The following SEC22C variants were observed in gnomAD, a reference collection of about 807,000 sequenced individuals.
SEC22C encodes SEC22 homolog C, vesicle trafficking protein.
SEC22C carries 29 observed loss-of-function variants against 34.7 expected under a neutral mutation model. The observed-to-expected ratio is 0.84, with a 90% CI of 0.62 to 1.14. The LOEUF is 1.14. SEC22C is among the 50% of genes most tolerant of loss of function. The pLI, the probability that SEC22C is intolerant of heterozygous loss-of-function variation, is 0.00. For synonymous variants in SEC22C, 117 were observed against 132.8 expected (o/e 0.88, Z 0.82); for missense variants, 337 against 369.0 (o/e 0.91, Z 0.71).
In SEC22C at chr3:42,548,092, T is replaced by G. The variant is rs1396846101; in HGVS notation, c.*5156A>C. 1.3e-5 allele frequency: 2 copies of G among 153,756 alleles called. No homozygotes were observed. The highest frequency in any genetic ancestry group is 2.9e-5 in the Non-Finnish European group (2 of 69,098). 9.5% of individuals were successfully genotyped at this position (153,756 alleles called of 1,614,324 possible). A position where few individuals can be genotyped will look rare whatever the true frequency, so the allele number is the denominator to read the frequency against. ...CAAGTTTAGGTTGTACTACTGAGTT[T>G]GTTAAAATGTACCCATTATTTACTC... On this transcript the variant is annotated 3_prime_UTR_variant, in exon 7 of 7. Coordinates refer to ENST00000264454, the MANE Select transcript of SEC22C (RefSeq NM_032970.4).
chr3:42,552,422 C>G lies in SEC22C; in HGVS notation c.*826G>C. 1 of 985,430 alleles carries G rather than the reference C, an allele frequency of 1.0e-6. No homozygotes were observed. Among genetic ancestry groups the G allele is most frequent in the Non-Finnish European group, 1.2e-6 (1 of 829,916 alleles). The allele number at this position is 985,430 out of a possible 1,614,324, so 61.0% of individuals were successfully genotyped here. A position where few individuals can be genotyped will look rare whatever the true frequency, so the allele number is the denominator to read the frequency against. ...CTGAATCCATGTTCATTCACCTACTCCAGGTTGTGGTCAATTGTAAGTAAT... is the reference window on the plus strand; with the variant it reads ...CTGAATCCATGTTCATTCACCTACTGCAGGTTGTGGTCAATTGTAAGTAAT... On this transcript the variant is annotated 3_prime_UTR_variant, in exon 7 of 7. Transcript: ENST00000264454.
intron 4 of SEC22C, among the ~76,000 whole-genome samples, chr3:42,558,362 C>G (rs183121140): frequency 6.6e-6 from 1 of 150,914 alleles, no homozygotes; most frequent in Non-Finnish European, 1.5e-5. Flanking sequence ...GTGACGCATA[C>G]CTGTAGTCCC....
At position 42,550,964 on chromosome 3, in the gene SEC22C, G is replaced by T; in HGVS notation, c.*2284C>A. 1.3e-6 allele frequency: 1 copy of T among 765,756 alleles called. No individual in the cohort carries two copies. The highest frequency in any genetic ancestry group is 1.6e-6 in the Non-Finnish European group (1 of 631,104). 47.4% of individuals were successfully genotyped at this position (765,756 alleles called of 1,614,324 possible). The stretch of plus-strand genomic sequence containing the variant: ...GCTCACTGCAACCTCCACCTCCCGG[G>T]TTCAAGAGATTCTCCTGCCTCAGCC... On this transcript the variant is annotated 3_prime_UTR_variant, in exon 7 of 7. Transcript: ENST00000264454.
intron 2 of SEC22C, 118 bp downstream of exon 2, chr3:42,568,747 C>T: frequency 1.2e-6 from 1 of 814,412 alleles, no homozygotes; most frequent in Non-Finnish European, 2.0e-6. Context: ...GATCTCAGAC[C>T]ACTGATGCTA....
intron 1 of SEC22C, among the ~76,000 whole-genome samples, chr3:42,571,127 C>T (rs1703601695): frequency 6.6e-6 from 1 of 152,168 alleles, no homozygotes; most frequent in East Asian, 1.9e-4. Context: ...GGAGCATCTA[C>T]CTTATGCCAG....
chr3:42,578,539 T>TACAC (rs66708395), intron 1 of SEC22C, among the ~76,000 whole-genome samples: 9,876 of 146,710 alleles, frequency 0.067, 359 homozygotes, highest in African/African-American at 0.08. Context: ...GTGACAGTAC[T>TACAC]ACACACACAC....
At chr3:42,561,532 C>T (rs1702909026) in intron 3 of SEC22C, among the ~76,000 whole-genome samples, 1 of 152,126 alleles carries the variant, frequency 6.6e-6, no homozygotes, top group South Asian at 2.1e-4. Context: ...TGTGCCACCA[C>T]ACCTGGCTAA....
At chr3:42,566,309 C>G (rs1300292780) in intron 2 of SEC22C, among the ~76,000 whole-genome samples, 1 of 152,138 alleles carries the variant, frequency 6.6e-6, no homozygotes, top group Non-Finnish European at 1.5e-5. Context: ...CAGGCCTGGA[C>G]TTTTCCTTTT....
rs1464195317 is a variant in SEC22C, at chr3:42,551,553, G to A, written c.*1695C>T. ...GAATCTTACTATGTTGTCCAGGCTG[G>A]TCTCAAACTACTGGCCTCAACCGAG... On this transcript the variant is annotated 3_prime_UTR_variant, in exon 7 of 7. Coordinates refer to ENST00000264454, the MANE Select transcript of SEC22C (RefSeq NM_032970.4). 2.0e-6 allele frequency: 1 copy of A among 494,576 alleles called. No individual in the cohort carries two copies. The highest frequency in any genetic ancestry group is 6.4e-5 in the Admixed American group (1 of 15,622). 30.6% of individuals were successfully genotyped at this position (494,576 alleles called of 1,614,324 possible). A position where few individuals can be genotyped will look rare whatever the true frequency, so the allele number is the denominator to read the frequency against.
At chr3:42,558,944 T>C (rs1013604288) in intron 4 of SEC22C, among the ~76,000 whole-genome samples, 3 of 152,212 alleles carry the variant, frequency 2.0e-5, no homozygotes, top group African/African-American at 7.2e-5. Flanking sequence ...AATAACAATA[T>C]GCGATGTCAC....
upstream of SEC22C, chr3:42,582,075 G>GC (rs980521152): frequency 2.2e-4 from 33 of 152,394 alleles, no homozygotes; most frequent in African/African-American, 7.5e-4. Flanking sequence ...CGCCTCCACA[G>GC]CCCCCGTCCC....
chr3:42,598,971 A>AT (rs1389699492), intron 1 of SEC22C, among the ~76,000 whole-genome samples: 9 of 131,166 alleles, frequency 6.9e-5, no homozygotes, highest in African/African-American at 2.2e-4. Flanking sequence ...CTATAGATAG[A>AT]TTTTTTTTGT....
chr3:42,600,553 TACGCCCCCG>T (rs1705269178), intron 1 of SEC22C: 1 of 82,132 alleles, frequency 1.2e-5, no homozygotes, highest in South Asian at 3.5e-4. Context: ...CCCCCGTGCG[TACGCCCCCG>T]TGCGTACGCC....
At chr3:42,590,688 G>C (rs1704790300) in intron 1 of SEC22C, 3 of 619,096 alleles carry the variant, frequency 4.8e-6, no homozygotes, top group South Asian at 1.9e-5. Flanking sequence ...TCCAGACTGC[G>C]CAAGCGCAAA....
In SEC22C at chr3:42,571,674, G is replaced by A. The variant is rs117063311; in HGVS notation, c.-27-2601C>T. ...TTTGATATTTGTGAATTCAGGTTATGAGCTATTATGAGACAGCCTGTACTC... is the reference window on the plus strand; with the variant it reads ...TTTGATATTTGTGAATTCAGGTTATAAGCTATTATGAGACAGCCTGTACTC... On this transcript the variant is annotated intron_variant, in intron 1 of 6. Transcript: ENST00000264454. Among the ~76,000 whole-genome samples, 133 of 152,340 alleles carry A rather than the reference G, an allele frequency of 8.7e-4. 1 individual carries two copies. In the East Asian group the frequency reaches 0.025, roughly 28 times the overall value.
intron 2 of SEC22C, chr3:42,564,188 T>C (rs1703095958): frequency 7.4e-6 from 2 of 269,796 alleles, no homozygotes; most frequent in South Asian, 7.9e-5. Context: ...TTTCTTATAC[T>C]GTCTTCATCT....
intron 4 of SEC22C, among the ~76,000 whole-genome samples, chr3:42,559,566 A>C (rs555949665): frequency 1.3e-5 from 2 of 152,368 alleles, no homozygotes; most frequent in Non-Finnish European, 2.9e-5. Context: ...GTTGAAACAC[A>C]TTAAACTAAA....
chr3:42,577,724 C>A (rs1280852542), intron 1 of SEC22C, among the ~76,000 whole-genome samples: 1 of 152,148 alleles, frequency 6.6e-6, no homozygotes, highest in Non-Finnish European at 1.5e-5. Flanking sequence ...AATCCCAGCA[C>A]TTTGGCAGGC....
chr3:42,584,277 C>T (rs528310015), upstream of SEC22C, among the ~76,000 whole-genome samples: 81 of 152,290 alleles, frequency 5.3e-4, 3 homozygotes, highest in South Asian at 0.016. Context: ...TTTTTTGAGG[C>T]TGAGTCTCAC....
Sources: gnomAD v4.1 joint callset for allele counts (sites outside exome capture counted in the v4.1 genomes callset) on GRCh38, gnomAD v4.1.1 for gene constraint, MANE v1.5 for transcripts, NCBI Gene and HGNC (gene_info 2026-07-23, HGNC 2026-07-21) for gene names.